TBRG1: variants seen among roughly 807,000 people sequenced by gnomAD.
TBRG1 encodes nuclear interactor of ARF and MDM2.
A neutral mutation model predicts 44.0 loss-of-function variants in TBRG1; 31 were observed. That is an observed-to-expected ratio of 0.70 (90% CI 0.53 to 0.95). The LOEUF is 0.95. TBRG1 is among the 40% of genes least tolerant of loss of function. The pLI is 0.00. For synonymous variants in TBRG1, 171 were observed against 188.1 expected, an observed-to-expected ratio of 0.91 and a Z score of 0.74; for missense variants, 487 against 496.1, an observed-to-expected ratio of 0.98 and a Z score of 0.18.
Position 124,633,677 on chromosome 11 carries a change from C to T in TBRG1, c.*1439C>T, listed in dbSNP as rs1210227176. On this transcript the variant is annotated 3_prime_UTR_variant, in exon 9 of 9. Coordinates refer to ENST00000441174, the MANE Select transcript of TBRG1 (RefSeq NM_032811.3). The stretch of plus-strand genomic sequence containing the variant: ...ATAGTCTTTTTATAAGTTGTATACA[C>T]TTTACAATGTAAAAGAAACAAACTT... 1 of 152,172 alleles carries T rather than the reference C, an allele frequency of 6.6e-6. No homozygotes were observed. Among genetic ancestry groups the T allele is most frequent in the African/African-American group, 2.4e-5 (1 of 41,416 alleles). 9.4% of individuals were successfully genotyped at this position (152,172 alleles called of 1,614,324 possible).
At position 124,623,014 on chromosome 11, in the gene TBRG1, C is replaced by G; in HGVS notation, c.-70C>G. On this transcript the variant is annotated 5_prime_UTR_variant, in exon 1 of 9. Transcript: ENST00000441174. Reference sequence around the variant, plus strand: ...TAGCCCGGAACAGACAAAGCCAGCGCTCCCGCCCGCTCCCCGACTTAGGAT... The same window carrying G: ...TAGCCCGGAACAGACAAAGCCAGCGGTCCCGCCCGCTCCCCGACTTAGGAT... 1 of 1,446,924 alleles carries G rather than the reference C, an allele frequency of 6.9e-7. No homozygotes were observed. Among genetic ancestry groups the G allele is most frequent in the Non-Finnish European group, 9.1e-7 (1 of 1,094,940 alleles). The allele number at this position is 1,446,924 out of a possible 1,614,324, so 89.6% of individuals were successfully genotyped here.
At position 124,628,523 on chromosome 11, in the gene TBRG1, T is replaced by TA. The variant is rs201184255; in HGVS notation, c.738+1491dup. On this transcript the variant is annotated intron_variant, in intron 5 of 8. Transcript: ENST00000441174. ...CCTGTAGAGTAGGAAAAAGCAATAT[T>TA]AAAAAAAAAAAAAAAAAACCCACAG... Among the ~76,000 whole-genome samples the TA allele has an allele frequency of 8.7e-3, 1,069 of 123,300 alleles. 6 individuals are homozygous for TA. Among genetic ancestry groups the TA allele is most frequent in the Non-Finnish European group, 0.013 (764 of 59,094 alleles). 80.9% of individuals were successfully genotyped at this position (123,300 alleles called of 152,430 possible).
At chr11:124,626,685 C>A in intron 4 of TBRG1, 76 bp downstream of exon 4, 2 of 1,514,454 alleles carry the variant, frequency 1.3e-6, no homozygotes, top group Non-Finnish European at 9.0e-7. Flanking sequence ...CCTCCCTGTT[C>A]CCATTAGCAG....
At chr11:124,628,011 G>A (rs1449435836) in intron 5 of TBRG1, among the ~76,000 whole-genome samples, 1 of 145,882 alleles carries the variant, frequency 6.9e-6, no homozygotes, top group East Asian at 2.0e-4. Context: ...TTTTAGGTGT[G>A]TGAGCTAGGA....
At position 124,635,299 on chromosome 11, in the gene TBRG1, AG is replaced by A. The variant is rs1187902964; in HGVS notation, c.*3062del. ...ATGGGCAATAGGGGTTAACTGAACG[AG>A]TTGAATGCTAGGAAGTCCTCAGGGG... On this transcript the variant is annotated 3_prime_UTR_variant, in exon 9 of 9. Coordinates refer to ENST00000441174, the MANE Select transcript of TBRG1 (RefSeq NM_032811.3). The A allele has an allele frequency of 4.6e-5, 7 of 152,188 alleles. No individual in the cohort carries two copies. The highest frequency in any genetic ancestry group is 1.7e-4 in the African/African-American group (7 of 41,448). 9.4% of individuals were successfully genotyped at this position (152,188 alleles called of 1,614,324 possible).
intron 6 of TBRG1, 120 bp downstream of exon 6, chr11:124,630,605 C>T (rs1398296018): frequency 1.9e-6 from 2 of 1,028,558 alleles, no homozygotes; most frequent in African/African-American, 3.2e-5. Context: ...CTGGATCCTC[C>T]TGACATTGTG....
chr11:124,629,934 A>G (rs979794365), intron 5 of TBRG1: 2 of 153,688 alleles, frequency 1.3e-5, no homozygotes, highest in African/African-American at 4.8e-5. Context: ...TCGATGCAAC[A>G]GTTTCTTTTT....
At chr11:124,623,490 A>G (rs1942388467) in intron 1 of TBRG1, 1 of 547,520 alleles carries the variant, frequency 1.8e-6, no homozygotes, top group Non-Finnish European at 3.4e-6. Flanking sequence ...CGTAAAAGAC[A>G]TACCAATAAA....
intron 8 of TBRG1, chr11:124,631,624 C>T (rs57269654): frequency 0.011 from 6,513 of 606,414 alleles, 340 homozygotes; most frequent in African/African-American, 0.1. Context: ...GGAGCACCTG[C>T]GATCATAGTA....
chr11:124,628,100 TATATATATATATATATACACACAC>T (rs1319552270), intron 5 of TBRG1, among the ~76,000 whole-genome samples: 4 of 53,312 alleles, frequency 7.5e-5, no homozygotes, highest in African/African-American at 4.3e-4. Flanking sequence ...TATATATATA[TATATATATATATATATACACACAC>T]ACACACACAC....
At position 124,635,462 on chromosome 11, in the gene TBRG1, A is replaced by G. The variant is rs1942708618; in HGVS notation, c.*3224A>G. The G allele has an allele frequency of 1.3e-5, 2 of 152,236 alleles. No homozygotes were observed. Among genetic ancestry groups the G allele is most frequent in the South Asian group, 4.1e-4 (2 of 4,832 alleles). The allele number at this position is 152,236 out of a possible 1,614,324, so 9.4% of individuals were successfully genotyped here. ...TCTACAGAGGGGTAGAACTAAAGCA[A>G]AAACCATCATTCACCCTACAGAGTA... On this transcript the variant is annotated 3_prime_UTR_variant, in exon 9 of 9. Transcript: ENST00000441174.
At position 124,635,828 on chromosome 11, in the gene TBRG1, C is replaced by G. The variant is rs1942720751; in HGVS notation, c.*3590C>G. On this transcript the variant is annotated 3_prime_UTR_variant, in exon 9 of 9. Coordinates refer to ENST00000441174, the MANE Select transcript of TBRG1 (RefSeq NM_032811.3). ...TTATGCTTTTATTTATTTCCAACTT[C>G]TTATAGGTAACATAATTTTCAGACA... 1 of 152,148 alleles carries G rather than the reference C, an allele frequency of 6.6e-6. No homozygotes were observed. Among genetic ancestry groups the G allele is most frequent in the Non-Finnish European group, 1.5e-5 (1 of 68,026 alleles). The allele number at this position is 152,148 out of a possible 1,614,324, so 9.4% of individuals were successfully genotyped here. A position where few individuals can be genotyped will look rare whatever the true frequency, so the allele number is the denominator to read the frequency against.
rs575388833 is a variant in TBRG1 at position 124,629,261 on chromosome 11, C to T, written c.739-1127C>T. On this transcript the variant is annotated intron_variant, in intron 5 of 8. Coordinates refer to ENST00000441174, the MANE Select transcript of TBRG1 (RefSeq NM_032811.3). ...GGCTGAGGCAGGAGAATGGCGTGAA[C>T]CCGGGAGGCGGAGCTTGCAGTGAGC... is the stretch of plus-strand genomic sequence containing the variant. Among the ~76,000 whole-genome samples the T allele has an allele frequency of 2.0e-5, 3 of 152,192 alleles. No individual in the cohort carries two copies. The East Asian group carries it at 5.8e-4, about 29-fold the overall frequency.
chr11:124,625,607 G>A, intron 2 of TBRG1, 64 bp from the exon 3 acceptor site: 1 of 1,436,520 alleles, frequency 7.0e-7, no homozygotes, highest in African/African-American at 1.4e-5. Flanking sequence ...CAGTACTTGA[G>A]TAAAATACTG....
chr11:124,629,092 A>G (rs1188997000), intron 5 of TBRG1, among the ~76,000 whole-genome samples: 1 of 152,238 alleles, frequency 6.6e-6, no homozygotes, highest in East Asian at 1.9e-4. Flanking sequence ...CAAATAGGGT[A>G]AAAATTTCAG....
At chr11:124,625,576 G>A (rs1230662584) in intron 2 of TBRG1, 95 bp from the exon 3 acceptor site, 3 of 1,078,578 alleles carry the variant, frequency 2.8e-6, no homozygotes, top group African/African-American at 3.2e-5. Flanking sequence ...AGTAATCTTT[G>A]TATATAATTC....
chr11:124,631,815 G>A, intron 8 of TBRG1: 1 of 447,964 alleles, frequency 2.2e-6, no homozygotes, highest in African/African-American at 2.0e-5. Context: ...GTGATCAAGG[G>A]TTCAGGCTTT....
intron 5 of TBRG1, 88 bp downstream of exon 5, chr11:124,627,138 A>G (rs1328587166): frequency 4.2e-6 from 4 of 950,346 alleles, no homozygotes; most frequent in Admixed American, 4.3e-5. Flanking sequence ...CTTACAAGGT[A>G]GATATGTATA....
Position 124,625,740 on chromosome 11 carries a change from C to T in TBRG1, c.291C>T (p.Ser97=), listed in dbSNP as rs1318533991. The T allele has an allele frequency of 1.3e-6, 2 of 1,560,818 alleles. No individual in the cohort carries two copies. The highest frequency in any genetic ancestry group is 2.7e-5 in the African/African-American group (2 of 73,758). The stretch of plus-strand genomic sequence containing the variant: ...GGGAAGTACAGGCTGCAGCTCCTTC[C>T]CACAGTTCCAGTTTGCCCCTGACTT... The part of the protein sequence containing the change: ...TEGEVQAAAP[S]HSSSLPLTYG... Residue 97 remains serine (S), a synonymous_variant, in exon 3 of 9, where the codon TCC becomes TCT. Coordinates refer to ENST00000441174, the MANE Select transcript of TBRG1 (RefSeq NM_032811.3).
Sources: allele counts gnomAD v4.1 joint callset (sites outside exome capture counted in the v4.1 genomes callset), GRCh38; gene constraint gnomAD v4.1.1; transcripts MANE v1.5; gene names NCBI Gene and HGNC (gene_info 2026-07-23, HGNC 2026-07-21).